The following TDRD12 variants were observed in gnomAD, a reference collection of about 807,000 sequenced individuals.
TDRD12 encodes the protein tudor domain containing 12.
TDRD12 carries 158 observed loss-of-function variants against 133.5 expected under a neutral mutation model. That is an observed-to-expected ratio of 1.18 (90% CI 1.04 to 1.35). The LOEUF (loss-of-function observed/expected upper bound fraction) is 1.35. TDRD12 is among the 40% of genes most tolerant of loss of function. TDRD12 has a pLI of 0.00. For synonymous variants in TDRD12, 460 were observed against 477.9 expected (o/e 0.96, Z 0.49); for missense variants, 1,443 against 1,321.3 (o/e 1.09, Z -1.43).
intron 11 of TDRD12, among the ~76,000 whole-genome samples, chr19:32,788,696 C>T (rs1377362186): frequency 6.6e-5 from 10 of 152,118 alleles, no homozygotes; most frequent in Non-Finnish European, 1.3e-4. Context: ...CCTTAGATGT[C>T]ATGCAGTCCT....
At chr19:32,789,365 G>C (rs1410019155) in intron 11 of TDRD12, among the ~76,000 whole-genome samples, 1 of 152,064 alleles carries the variant, frequency 6.6e-6, no homozygotes, top group Non-Finnish European at 1.5e-5. Context: ...GTGATTTTTA[G>C]TGTATTCACA....
chr19:32,730,031 C>A (rs1011709775), intron 1 of TDRD12, among the ~76,000 whole-genome samples: 4 of 151,952 alleles, frequency 2.6e-5, no homozygotes, highest in African/African-American at 9.7e-5. Flanking sequence ...ACCTCGTGAT[C>A]CGCCCACCTC....
exon 10 of TDRD12, chr19:32,827,520 C>T (rs1179731388): frequency 1.5e-5 from 3 of 202,412 alleles, no homozygotes; most frequent in Admixed American, 6.0e-5. Flanking sequence ...GCTGGGATTA[C>T]AGGCATGTGC....
downstream of TDRD12, among the ~76,000 whole-genome samples, chr19:32,822,312 G>A (rs1357399183): frequency 1.3e-5 from 2 of 151,652 alleles, no homozygotes; most frequent in African/African-American, 4.8e-5. Flanking sequence ...CACGCCTGTA[G>A]TCCCTACTAC....
At chr19:32,796,479 AGAGGCT>A (rs1482601690) in intron 14 of TDRD12, among the ~76,000 whole-genome samples, 1 of 151,686 alleles carries the variant, frequency 6.6e-6, no homozygotes, top group Non-Finnish European at 1.5e-5. Flanking sequence ...CAGCTACTCG[AGAGGCT>A]GAGGCAGGAG....
At position 32,807,267 on chromosome 19, in the gene TDRD12, T is replaced by TAAAAAAAAAAA. The variant is rs59421213; in HGVS notation, c.2553-263_2553-253dup. Among the ~76,000 whole-genome samples the TAAAAAAAAAAA allele has an allele frequency of 1.0e-3, 48 of 47,184 alleles. 4 individuals are homozygous for TAAAAAAAAAAA. The highest frequency in any genetic ancestry group is 4.3e-3 in the African/African-American group (34 of 7,966). 31.0% of individuals were successfully genotyped at this position (47,184 alleles called of 152,430 possible). On this transcript the variant is annotated intron_variant, in intron 21 of 27. Transcript: ENST00000444215. ...GGGCAACAGAGTGAGACCAAACTCT[T>TAAAAAAAAAAA]AAAAAAAAAAAAAAAAAAAAAAAAA...
chr19:32,820,347 A>C (rs1599630841), intron 27 of TDRD12, among the ~76,000 whole-genome samples: 1 of 152,158 alleles, frequency 6.6e-6, no homozygotes, highest in East Asian at 1.9e-4. Flanking sequence ...CCCACGAGGA[A>C]GGGAGCTGGC....
At chr19:32,792,410 G>T (rs560074060) in intron 13 of TDRD12, among the ~76,000 whole-genome samples, 1 of 152,144 alleles carries the variant, frequency 6.6e-6, no homozygotes, top group South Asian at 2.1e-4. Flanking sequence ...TTTCTCTCTG[G>T]GGATATTGAA....
At chr19:32,811,328 C>G in exon 24 of TDRD12, 1 of 1,536,086 alleles carries the variant, frequency 6.5e-7, no homozygotes, top group South Asian at 1.2e-5. Context: ...GCTGCATCTC[C>G]CAGAACATTT....
In TDRD12 at chr19:32,762,636, G is replaced by A. The variant is rs958842068; in HGVS notation, c.865+5506G>A. Among the ~76,000 whole-genome samples the A allele has an allele frequency of 5.9e-4, 90 of 152,152 alleles. 4 individuals are homozygous for A. Among genetic ancestry groups the A allele is most frequent in the Non-Finnish European group, 8.8e-5 (6 of 68,022 alleles). Reference sequence around the variant, plus strand: ...GATTCTAGCAGTGCACCTCAACAGCGGGGCCAAGAAGGTGCTCTGTGCCTC... The same window carrying A: ...GATTCTAGCAGTGCACCTCAACAGCAGGGCCAAGAAGGTGCTCTGTGCCTC... On this transcript the variant is annotated intron_variant, in intron 8 of 27. Transcript: ENST00000444215.
chr19:32,792,100 G>T (rs367868556), intron 13 of TDRD12, among the ~76,000 whole-genome samples: 4 of 151,998 alleles, frequency 2.6e-5, no homozygotes, highest in Non-Finnish European at 5.9e-5. Flanking sequence ...ACAAAAATTC[G>T]CCAGGCATGG....
chr19:32,734,132 T>C (rs1021457843), intron 2 of TDRD12, among the ~76,000 whole-genome samples: 4 of 152,086 alleles, frequency 2.6e-5, no homozygotes, highest in Non-Finnish European at 4.4e-5. Context: ...CCTGACTTCA[T>C]GATCCACCCG....
At chr19:32,800,531 T>C in intron 17 of TDRD12, 113 bp from the exon 18 acceptor site, 1 of 998,154 alleles carries the variant, frequency 1.0e-6, no homozygotes. Context: ...ATATTTAAAT[T>C]TATATTGATT....
chr19:32,823,606 T>G (rs1459131219), downstream of TDRD12, among the ~76,000 whole-genome samples: 2 of 152,126 alleles, frequency 1.3e-5, no homozygotes, highest in African/African-American at 4.8e-5. Flanking sequence ...GCTGTTAAAA[T>G]GCACATACAC....
intron 5 of TDRD12, among the ~76,000 whole-genome samples, chr19:32,749,439 C>T (rs971610442): frequency 5.3e-5 from 8 of 152,072 alleles, no homozygotes; most frequent in African/African-American, 1.9e-4. Flanking sequence ...GCTGCTGCTG[C>T]GGGGTTTTGA....
chr19:32,795,839 T>TGGAGCA (rs577468117), intron 14 of TDRD12, among the ~76,000 whole-genome samples: 3 of 152,078 alleles, frequency 2.0e-5, no homozygotes, highest in African/African-American at 7.2e-5. Context: ...GACACATGGC[T>TGGAGCA]GGAGCAGGAG....
chr19:32,741,272 G>A (rs929831879), intron 3 of TDRD12, among the ~76,000 whole-genome samples: 9 of 152,290 alleles, frequency 5.9e-5, no homozygotes, highest in Admixed American at 1.3e-4. Flanking sequence ...AGTAGAGACA[G>A]GGTTTTGCCA....
chr19:32,767,680 G>T (rs1970337406), intron 8 of TDRD12, among the ~76,000 whole-genome samples: 1 of 152,156 alleles, frequency 6.6e-6, no homozygotes, highest in African/African-American at 2.4e-5. Context: ...TAGCTGGGGG[G>T]CAGGGAGAAG....
chr19:32,743,748 G>T (rs747843337), intron 4 of TDRD12, among the ~76,000 whole-genome samples: 1 of 152,086 alleles, frequency 6.6e-6, no homozygotes, highest in Non-Finnish European at 1.5e-5. Flanking sequence ...ATGTGTTGAG[G>T]CCAGGCGCGG....
Sources: gnomAD v4.1 joint callset for allele counts (sites outside exome capture counted in the v4.1 genomes callset) on GRCh38, gnomAD v4.1.1 for gene constraint, MANE v1.5 for transcripts, NCBI Gene and HGNC (gene_info 2026-07-23, HGNC 2026-07-21) for gene names.